Variants in NBAS observed in about 807,000 individuals in gnomAD.
NBAS encodes NBAS subunit of NRZ tethering complex.
A neutral mutation model predicts 302.5 loss-of-function variants in NBAS; 219 were observed. The ratio of observed to expected loss-of-function variants is 0.72; its 90% CI spans 0.65 to 0.81. The LOEUF (loss-of-function observed/expected upper bound fraction) is 0.81. Ranked by LOEUF, NBAS falls within the 30% of genes least tolerant of loss-of-function variation. The probability of loss-of-function intolerance (pLI) is 0.00; values close to 1 mark genes in which losing one functional copy is unlikely to be tolerated. For missense variants in NBAS, 2,932 were observed against 2,841.6 expected, an observed-to-expected ratio of 1.03 and a Z score of -0.72; for synonymous variants, 1,118 against 1,021.6, an observed-to-expected ratio of 1.09 and a Z score of -1.80.
chr2:15,392,756 G>C (rs746888127), intron 28 of NBAS, among the ~76,000 whole-genome samples: 1 of 151,792 alleles, frequency 6.6e-6, no homozygotes, highest in Non-Finnish European at 1.5e-5. Flanking sequence ...GAAGAAATTG[G>C]TAAGCTTATT....
At chr2:15,006,007 G>T in the NBAS span, among the ~76,000 whole-genome samples, 976 of 152,282 alleles carry the variant, frequency 6.4e-3, 11 homozygotes, top group South Asian at 0.02. Flanking sequence ...AATCCAAGAT[G>T]AAAAGGCAAA....
At chr2:15,023,419 G>T in the NBAS span, among the ~76,000 whole-genome samples, 1,889 of 152,102 alleles carry the variant, frequency 0.012, 42 homozygotes, top group African/African-American at 0.044. Context: ...GAATTTAATA[G>T]TTACATTACG....
At chr2:15,038,082 T>A in the NBAS span, among the ~76,000 whole-genome samples, 1 of 146,816 alleles carries the variant, frequency 6.8e-6, no homozygotes. Context: ...AATTATATAA[T>A]ATATATATAT....
At chr2:15,284,941 T>G (rs1312129358) in intron 42 of NBAS, among the ~76,000 whole-genome samples, 1 of 152,212 alleles carries the variant, frequency 6.6e-6, no homozygotes, top group African/African-American at 2.4e-5. Context: ...GGAACAGCCT[T>G]GCACATCACT....
chr2:15,452,111 G>A (rs1331833611), intron 21 of NBAS, among the ~76,000 whole-genome samples: 1 of 152,130 alleles, frequency 6.6e-6, no homozygotes, highest in East Asian at 1.9e-4. Flanking sequence ...CCAAGGGCTA[G>A]GTGGGAAGAT....
At chr2:14,855,718 C>T in the NBAS span, among the ~76,000 whole-genome samples, 1 of 152,112 alleles carries the variant, frequency 6.6e-6, no homozygotes, top group South Asian at 2.1e-4. Context: ...GGAAGGACAG[C>T]CTTGTGTTGT....
chr2:15,475,912 C>T (rs1174675172), intron 13 of NBAS, 32 bp from the exon 14 acceptor site: 4 of 1,515,556 alleles, frequency 2.6e-6, no homozygotes, highest in Non-Finnish European at 2.7e-6. Flanking sequence ...AATACAAATG[C>T]ATCTGCTAAT....
At chr2:15,151,131 A>G in the NBAS span, among the ~76,000 whole-genome samples, 4 of 152,220 alleles carry the variant, frequency 2.6e-5, no homozygotes. Context: ...AAGACATTCC[A>G]CAGGGAATTC....
chr2:15,367,685 A>G (rs1045896763), intron 31 of NBAS, among the ~76,000 whole-genome samples: 3 of 152,148 alleles, frequency 2.0e-5, no homozygotes, highest in Non-Finnish European at 2.9e-5. Flanking sequence ...TGTTCTCCAT[A>G]TATCTTGTGT....
chr2:15,286,848 C>G (rs955152304), intron 42 of NBAS, among the ~76,000 whole-genome samples: 4 of 152,126 alleles, frequency 2.6e-5, no homozygotes, highest in Admixed American at 6.5e-5. Context: ...GTGGCTAATA[C>G]TTAGTCTAGT....
chr2:15,115,173 C>T, the NBAS span, among the ~76,000 whole-genome samples: 1 of 152,228 alleles, frequency 6.6e-6, no homozygotes, highest in Non-Finnish European at 1.5e-5. Flanking sequence ...ACATGGGCTT[C>T]TGATGAATAA....
chr2:15,256,414 T>C (rs1020133560), intron 44 of NBAS, among the ~76,000 whole-genome samples: 3 of 152,228 alleles, frequency 2.0e-5, no homozygotes, highest in African/African-American at 4.8e-5. Flanking sequence ...GAGACTTTAC[T>C]GAATTCATTT....
At chr2:15,372,043 T>C (rs866174344) in intron 31 of NBAS, among the ~76,000 whole-genome samples, 15 of 152,124 alleles carry the variant, frequency 9.9e-5, no homozygotes, top group African/African-American at 2.9e-4. Flanking sequence ...ATTTGGTAAA[T>C]GAGGAAACTT....
chr2:15,340,514 A>G (rs1307230776), intron 35 of NBAS, among the ~76,000 whole-genome samples: 1 of 152,180 alleles, frequency 6.6e-6, no homozygotes, highest in African/African-American at 2.4e-5. Context: ...TGGGTTGTCT[A>G]TAAGAAATTA....
the NBAS span, among the ~76,000 whole-genome samples, chr2:15,073,976 A>G: frequency 6.6e-6 from 1 of 152,228 alleles, no homozygotes; most frequent in Admixed American, 6.5e-5. Flanking sequence ...CAATGATTTT[A>G]TAGTTCATTG....
intron 28 of NBAS, among the ~76,000 whole-genome samples, chr2:15,392,973 C>A (rs560177091): frequency 6.6e-6 from 1 of 152,092 alleles, no homozygotes; most frequent in African/African-American, 2.4e-5. Context: ...ACACAGACAA[C>A]AGATTTCAAG....
chr2:15,363,518 A>T (rs2148332293), intron 32 of NBAS, among the ~76,000 whole-genome samples: 1 of 152,342 alleles, frequency 6.6e-6, no homozygotes, highest in Admixed American at 6.5e-5. Flanking sequence ...ATAGTGTCAA[A>T]AAAGGTGGAA....
the NBAS span, among the ~76,000 whole-genome samples, chr2:14,911,730 A>C: frequency 2.0e-5 from 3 of 152,204 alleles, no homozygotes; most frequent in African/African-American, 7.2e-5. Flanking sequence ...ATGGTTAAGC[A>C]CAAAAATTCT....
the NBAS span, among the ~76,000 whole-genome samples, chr2:15,066,534 A>C: frequency 5.9e-5 from 9 of 152,258 alleles, no homozygotes; most frequent in African/African-American, 2.2e-4. Context: ...CCAATTAAAA[A>C]ATAAGTAAAG....
Sources: allele counts gnomAD v4.1 joint callset (sites outside exome capture counted in the v4.1 genomes callset), GRCh38; gene constraint gnomAD v4.1.1; transcripts MANE v1.5; gene names NCBI Gene and HGNC (gene_info 2026-07-23, HGNC 2026-07-21).